The following BLTP1 variants were observed in gnomAD, a reference collection of about 807,000 sequenced individuals.
The protein encoded by BLTP1 is bridge-like lipid transfer protein family member 1, also known as fragile site-associated protein.
At chr4:122,333,932 A>G in the BLTP1 span, 3 of 1,208,932 alleles carry the variant, frequency 2.5e-6, no homozygotes, top group Non-Finnish European at 3.4e-6. Context: ...TTTGTCTAAT[A>G]TAGCCATATT....
chr4:122,334,210 G>C, the BLTP1 span: 1 of 844,030 alleles, frequency 1.2e-6, no homozygotes, highest in African/African-American at 1.7e-5. Flanking sequence ...AACTTGCCAG[G>C]ATCACAAAGC....
chr4:122,301,332 C>T, the BLTP1 span: 9 of 1,603,706 alleles, frequency 5.6e-6, no homozygotes, highest in Non-Finnish European at 3.4e-6. Context: ...CTGGAACGAA[C>T]ATGATGGAAC....
the BLTP1 span, chr4:122,343,814 A>G: frequency 2.0e-6 from 1 of 491,610 alleles, no homozygotes; most frequent in Non-Finnish European, 2.6e-6. Context: ...AGAATTTTAA[A>G]ATTCAGAATA....
the BLTP1 span, chr4:122,250,126 AT>A: frequency 2.1e-6 from 1 of 472,486 alleles, no homozygotes; most frequent in South Asian, 9.2e-5. Context: ...TGAAATGTGT[AT>A]AACACTTTTT....
the BLTP1 span, chr4:122,189,893 G>T: frequency 6.9e-7 from 1 of 1,449,864 alleles, no homozygotes. Flanking sequence ...GTGCTTGTTA[G>T]TTTTTTTTTC....
At chr4:122,296,063 T>C in the BLTP1 span, among the ~76,000 whole-genome samples, 22 of 152,218 alleles carry the variant, frequency 1.4e-4, no homozygotes, top group African/African-American at 4.8e-4. Context: ...TTATTCAACA[T>C]AGTATTGGAA....
At chr4:122,354,368 A>G in the BLTP1 span, among the ~76,000 whole-genome samples, 31 of 152,176 alleles carry the variant, frequency 2.0e-4, no homozygotes, top group Middle Eastern at 3.2e-3. Flanking sequence ...TTGTTACACA[A>G]CTAAATAAAG....
the BLTP1 span, among the ~76,000 whole-genome samples, chr4:122,290,588 C>T: frequency 6.6e-6 from 1 of 151,362 alleles, no homozygotes; most frequent in Non-Finnish European, 1.5e-5. Flanking sequence ...GAGGTCAAAA[C>T]CATCCTGGCT....
chr4:122,328,049 TTC>T, the BLTP1 span: 2 of 1,283,170 alleles, frequency 1.6e-6, no homozygotes, highest in Admixed American at 2.8e-5. Flanking sequence ...TATATATTTT[TTC>T]TTTTTTTAAT....
the BLTP1 span, chr4:122,178,091 A>G: frequency 2.3e-6 from 2 of 872,068 alleles, no homozygotes; most frequent in Non-Finnish European, 2.8e-6. Context: ...AAAACAAAAC[A>G]TTGAGAAACA....
At chr4:122,309,374 A>G in the BLTP1 span, 1 of 1,613,440 alleles carries the variant, frequency 6.2e-7, no homozygotes, top group African/African-American at 1.3e-5. Context: ...AGGGCATTTC[A>G]AAAACTTTTG....
At chr4:122,187,363 G>A in the BLTP1 span, 1 of 1,587,564 alleles carries the variant, frequency 6.3e-7, no homozygotes, top group Non-Finnish European at 8.6e-7. Context: ...GGTATTGTGA[G>A]GAAGTGAACT....
the BLTP1 span, chr4:122,229,216 G>A: frequency 2.5e-6 from 4 of 1,608,714 alleles, no homozygotes; most frequent in Non-Finnish European, 3.4e-6. Flanking sequence ...ACATTGTTGA[G>A]CATGGTTGTG....
At chr4:122,266,802 T>G in the BLTP1 span, 1 of 1,604,160 alleles carries the variant, frequency 6.2e-7, no homozygotes, top group Non-Finnish European at 8.5e-7. Flanking sequence ...AAGCCTCTTC[T>G]GAGTCATACA....
At chr4:122,270,962 A>G in the BLTP1 span, 4 of 1,490,568 alleles carry the variant, frequency 2.7e-6, no homozygotes, top group South Asian at 4.2e-5. Context: ...ATAAAGATGT[A>G]TGTTTCTGGA....
chr4:122,328,503 T>C, the BLTP1 span: 38 of 790,832 alleles, frequency 4.8e-5, no homozygotes, highest in Non-Finnish European at 1.8e-6. Context: ...AAATAAAATT[T>C]ATTTTAATAA....
chr4:122,295,305 T>C, the BLTP1 span, among the ~76,000 whole-genome samples: 1 of 151,696 alleles, frequency 6.6e-6, no homozygotes, highest in Non-Finnish European at 1.5e-5. Flanking sequence ...CCAAGACACA[T>C]AATCATCAGA....
chr4:122,171,846 T>A, the BLTP1 span: 4 of 983,328 alleles, frequency 4.1e-6, no homozygotes, highest in Non-Finnish European at 4.8e-6. Flanking sequence ...AATTGTTTAA[T>A]CCCTCTGTTT....
chr4:122,214,389 A>G, the BLTP1 span: 3 of 962,944 alleles, frequency 3.1e-6, no homozygotes, highest in Non-Finnish European at 3.7e-6. Context: ...TCTCGGTTCT[A>G]TAAGCCAGTG....
Sources: allele counts gnomAD v4.1 joint callset (sites outside exome capture counted in the v4.1 genomes callset), GRCh38; gene constraint gnomAD v4.1.1; transcripts MANE v1.5; gene names NCBI Gene and HGNC (gene_info 2026-07-23, HGNC 2026-07-21).